Variants in LRFN4 observed in about 807,000 individuals in gnomAD.
The protein encoded by LRFN4 is leucine rich repeat and fibronectin type III domain containing 4, also known as leucine-rich repeat and fibronectin type-III domain-containing protein 4.
In LRFN4, 10 loss-of-function variants were observed where a neutral mutation model predicts 29.0. The observed-to-expected ratio is 0.35, with a 90% CI of 0.21 to 0.59. LRFN4 has a LOEUF of 0.59. Among genes scored for constraint, LRFN4 ranks in the 20% least tolerant of loss-of-function variants. The pLI is 0.82. For missense variants in LRFN4, 850 were observed against 907.9 expected, an observed-to-expected ratio of 0.94 and a Z score of 0.82; for synonymous variants, 493 against 437.0, an observed-to-expected ratio of 1.13 and a Z score of -1.60.
At position 66,860,173 on chromosome 11, in the gene LRFN4, G is replaced by C; in HGVS notation, c.1886G>C (p.Arg629Pro). 1 of 1,546,380 alleles carries C rather than the reference G, an allele frequency of 6.5e-7. No homozygotes were observed. The highest frequency in any genetic ancestry group is 1.2e-5 in the South Asian group (1 of 84,150). The change falls in exon 2 of 2, where the codon CGG becomes CCG. Residue 629 changes from arginine to proline, a missense_variant. This residue lies in a region of LRFN4 where 744 missense variants were observed against 753.8 expected (regional missense o/e 0.99). Coordinates refer to ENST00000309602, the MANE Select transcript of LRFN4 (RefSeq NM_024036.5). Reference sequence around the variant, plus strand: ...CGGGGGGTAGGAGGCAGCGCCGAGCGGCTGGAAGAGAGTGTGGTGTGATGG... The same window carrying C: ...CGGGGGGTAGGAGGCAGCGCCGAGCCGCTGGAAGAGAGTGTGGTGTGATGG... The part of the protein sequence containing the change: ...GCRGVGGSAE[R>P]LEESVV
chr11:66,858,561 G>A lies in LRFN4; in HGVS notation c.817G>A (p.Glu273Lys), dbSNP rs1162648844. 2 of 1,533,288 alleles carry A rather than the reference G, an allele frequency of 1.3e-6. No individual in the cohort carries two copies. Among genetic ancestry groups the A allele is most frequent in the South Asian group, 1.2e-5 (1 of 83,874 alleles). 95.0% of individuals were successfully genotyped at this position (1,533,288 alleles called of 1,614,324 possible). A position where few individuals can be genotyped will look rare whatever the true frequency, so the allele number is the denominator to read the frequency against. Residue 273 changes from glutamate (E) to lysine (K), a missense_variant, in exon 1 of 2, where the codon GAG becomes AAG. Around this residue, in one of 2 missense-constraint regions of LRFN4, gnomAD observed 744 missense variants for 753.8 expected, o/e 0.99. Transcript: ENST00000309602. The surrounding 1 kb of genome is among the most constrained non-coding windows in gnomAD (Gnocchi z 5.9). ...CGGCCGCTACTTCTGGGCAGTGCCC[G>A]AGGGCGAGTTCTCCTGTGAGCCGCC... ...LAGRYFWAVP[E>K]GEFSCEPPLI...
chr11:66,859,550 T>G, intron 1 of LRFN4, 87 bp from the exon 2 acceptor site: 2 of 1,567,012 alleles, frequency 1.3e-6, no homozygotes, highest in African/African-American at 1.4e-5. Context: ...GGGGGAGGGG[T>G]GTTTGGAGCT....
At position 66,858,806 on chromosome 11, in the gene LRFN4, C is replaced by G. The variant is rs1266941303; in HGVS notation, c.1062C>G (p.Thr354=). The G allele has an allele frequency of 6.5e-7, 1 of 1,549,852 alleles. No homozygotes were observed. Among genetic ancestry groups the G allele is most frequent in the African/African-American group, 1.4e-5 (1 of 73,232 alleles). Residue 354 remains threonine (T), a synonymous_variant, in exon 1 of 2, where the codon ACC becomes ACG. Coordinates refer to ENST00000309602, the MANE Select transcript of LRFN4 (RefSeq NM_024036.5). The surrounding 1 kb of genome is among the most constrained non-coding windows in gnomAD (Gnocchi z 5.9). ...CTGGGGGCTACACCTGCATCGCCAC[C>G]AACCCTGCTGGTGAGGCCACAGCCC... The part of the protein sequence containing the change: ...GDAGGYTCIA[T]NPAGEATARV...
At position 66,857,253 on chromosome 11, in the gene LRFN4, C is replaced by T. The variant is rs1201340671; in HGVS notation, c.-492C>T. 1 of 147,904 alleles carries T rather than the reference C, an allele frequency of 6.8e-6. No homozygotes were observed. 9.2% of individuals were successfully genotyped at this position (147,904 alleles called of 1,614,324 possible). On this transcript the variant is annotated 5_prime_UTR_variant, in exon 1 of 2. Transcript: ENST00000309602. This position sits in a 1 kb window ranked among gnomAD's most constrained non-coding sequence, Gnocchi z 7.1. ...CAGGAGTCGGCGGGGGCCGGCCGGG[C>T]TCGCAGGGAGGCCGGCCCGCGCCCC...
chr11:66,859,032 G>A lies in LRFN4; in HGVS notation c.1288G>A (p.Asp430Asn), dbSNP rs188956583. 5.0e-5 allele frequency: 76 copies of A among 1,508,340 alleles called. No homozygotes were observed. The highest frequency in any genetic ancestry group is 2.2e-4 in the African/African-American group (16 of 71,180). The allele number at this position is 1,508,340 out of a possible 1,614,324, so 93.4% of individuals were successfully genotyped here. A position where few individuals can be genotyped will look rare whatever the true frequency, so the allele number is the denominator to read the frequency against. Residue 430 changes from aspartate to asparagine, a missense_variant, in exon 1 of 2, where the codon GAC becomes AAC. Physicochemically the swap from Asp to Asn is conservative, Grantham distance 23. Around this residue, in one of 2 missense-constraint regions of LRFN4, gnomAD observed 744 missense variants for 753.8 expected, o/e 0.99. Transcript: ENST00000309602. The part of the protein sequence containing the change: ...LVSWGPGRPA[D>N]PVWMFQIQYN... ...GAGCTGGGGTCCCGGGCGGCCAGCC[G>A]ACCCAGTGTGGATGTTCCAAATCCA...
Position 66,860,012 on chromosome 11 carries a change from C to T in LRFN4, c.1725C>T (p.Ser575=), listed in dbSNP as rs3802743. The T allele has an allele frequency of 0.023, 36,224 of 1,589,950 alleles. 548 individuals carry two copies. The highest frequency in any genetic ancestry group is 0.056 in the African/African-American group (4,180 of 74,398). The stretch of plus-strand genomic sequence containing the variant: ...CACCCAAGGCCCACCCGCCGCGGAG[C>T]CCCCCGCCCCGGCCGCAGCGCAGCT... ...SPTPKAHPPR[S]PPPRPQRSCS... Residue 575 remains serine, a synonymous_variant, in exon 2 of 2, where the codon AGC becomes AGT. Coordinates refer to ENST00000309602, the MANE Select transcript of LRFN4 (RefSeq NM_024036.5).
At position 66,859,942 on chromosome 11, in the gene LRFN4, A is replaced by C. The variant is rs1356213524; in HGVS notation, c.1655A>C (p.Lys552Thr). The change falls in exon 2 of 2, where the codon AAG (lysine) becomes ACG (threonine). Residue 552 changes from lysine (K) to threonine (T), a missense_variant. Physicochemically the swap from Lys to Thr is moderately conservative, Grantham distance 78 (BLOSUM62 -1). Around this residue, in one of 2 missense-constraint regions of LRFN4, gnomAD observed 744 missense variants for 753.8 expected, o/e 0.99. Coordinates refer to ENST00000309602, the MANE Select transcript of LRFN4 (RefSeq NM_024036.5). ...RGAGNGRLPL[K>T]LSHVQSQTNG... ...GCCGGAAATGGCCGCCTCCCCCTCA[A>C]GCTCAGCCACGTCCAGTCCCAGACC... The C allele has an allele frequency of 6.3e-7, 1 of 1,595,184 alleles. No homozygotes were observed. The highest frequency in any genetic ancestry group is 1.3e-5 in the African/African-American group (1 of 74,496).
Position 66,858,897 on chromosome 11 carries a change from G to C in LRFN4, c.1153G>C (p.Gly385Arg). Residue 385 changes from glycine to arginine, a missense_variant, in exon 1 of 2, where the codon GGG (glycine) becomes CGG (arginine). Physicochemically the swap from Gly to Arg is moderately radical, Grantham distance 125. Transcript: ENST00000309602. The surrounding 1 kb of genome is among the most constrained non-coding windows in gnomAD (Gnocchi z 5.9). Reference sequence around the variant, plus strand: ...CAGCAGTGCCGAGGGGGGCCGCCCCGGGCCCTCGGACATCGCCGCCTCCGC... The same window carrying C: ...CAGCAGTGCCGAGGGGGGCCGCCCCCGGCCCTCGGACATCGCCGCCTCCGC... ...GNSSAEGGRP[G>R]PSDIAASART... is the part of the protein sequence containing the mutation. 1 of 1,562,306 alleles carries C rather than the reference G, an allele frequency of 6.4e-7. No homozygotes were observed. Among genetic ancestry groups the C allele is most frequent in the Non-Finnish European group, 8.7e-7 (1 of 1,152,814 alleles).
intron 1 of LRFN4, 109 bp downstream of exon 1, chr11:66,859,202 C>T: frequency 3.0e-6 from 4 of 1,330,620 alleles, no homozygotes; most frequent in Non-Finnish European, 4.0e-6. Flanking sequence ...CTGACACCCC[C>T]TCCCCGACCA....
rs767792134 is a variant in LRFN4 at position 66,858,290 on chromosome 11, C to T, written c.546C>T (p.Asp182=). The T allele has an allele frequency of 2.5e-6, 4 of 1,611,510 alleles. No homozygotes were observed. The highest frequency in any genetic ancestry group is 1.1e-5 in the South Asian group (1 of 91,088). ...TCAACCTGGACCATAACCTTATTGACGCACTGCCCCCAGGCGCCTTCGCCC... is the reference window on the plus strand; with the variant it reads ...TCAACCTGGACCATAACCTTATTGATGCACTGCCCCCAGGCGCCTTCGCCC... ...HTLNLDHNLI[D]ALPPGAFAQL... Residue 182 remains aspartate (D), a synonymous_variant, in exon 1 of 2, where the codon GAC becomes GAT. Transcript: ENST00000309602. The surrounding 1 kb of genome is among the most constrained non-coding windows in gnomAD (Gnocchi z 5.9).
rs1187936493 is a variant in LRFN4, at chr11:66,858,457, G to C, written c.713G>C (p.Cys238Ser). The C allele has an allele frequency of 6.5e-7, 1 of 1,550,032 alleles. No homozygotes were observed. The highest frequency in any genetic ancestry group is 1.4e-5 in the African/African-American group (1 of 73,708). Residue 238 changes from cysteine (C) to serine (S), a missense_variant, in exon 1 of 2, where the codon TGC (cysteine) becomes TCC (serine). This residue lies in a region of LRFN4 where 744 missense variants were observed against 753.8 expected (regional missense o/e 0.99). Transcript: ENST00000309602. This position sits in a 1 kb window ranked among gnomAD's most constrained non-coding sequence, Gnocchi z 5.9. ...VLSFSGNPLH[C>S]NCELLWLRRL... ...AGCTTTAGCGGGAACCCCCTGCACT[G>C]CAACTGTGAGCTGCTGTGGCTGCGG... is the stretch of plus-strand genomic sequence containing the variant.
Position 66,858,913 on chromosome 11 carries a change from C to T in LRFN4, c.1169C>T (p.Ala390Val). Residue 390 changes from alanine to valine, a missense_variant, in exon 1 of 2, where the codon GCC (alanine) becomes GTC (valine). Ala to Val is a moderately conservative substitution (Grantham distance 64, BLOSUM62 0). Around this residue, in one of 2 missense-constraint regions of LRFN4, gnomAD observed 744 missense variants for 753.8 expected, o/e 0.99. Coordinates refer to ENST00000309602, the MANE Select transcript of LRFN4 (RefSeq NM_024036.5). This position sits in a 1 kb window ranked among gnomAD's most constrained non-coding sequence, Gnocchi z 5.9. ...EGGRPGPSDI[A>V]ASARTAAEGE... Reference sequence around the variant, plus strand: ...GGCCGCCCCGGGCCCTCGGACATCGCCGCCTCCGCTCGCACTGCTGCCGAG... The same window carrying T: ...GGCCGCCCCGGGCCCTCGGACATCGTCGCCTCCGCTCGCACTGCTGCCGAG... 6.4e-7 allele frequency: 1 copy of T among 1,567,298 alleles called. No homozygotes were observed. Among genetic ancestry groups the T allele is most frequent in the Non-Finnish European group, 8.7e-7 (1 of 1,154,858 alleles).
At position 66,859,863 on chromosome 11, in the gene LRFN4, C is replaced by T; in HGVS notation, c.1576C>T (p.Leu526=). The T allele has an allele frequency of 1.3e-6, 2 of 1,563,134 alleles. No homozygotes were observed. The highest frequency in any genetic ancestry group is 1.2e-5 in the South Asian group (1 of 82,534). The part of the protein sequence containing the change: ...GTLTVAVGGV[L]VAALLVFTVA... ...CCTGACCGTGGCCGTGGGGGGTGTG[C>T]TGGTGGCTGCCTTACTGGTCTTCAC... The change falls in exon 2 of 2, where the codon CTG becomes TTG. Residue 526 remains leucine (L), a synonymous_variant. Coordinates refer to ENST00000309602, the MANE Select transcript of LRFN4 (RefSeq NM_024036.5).
In LRFN4 at chr11:66,858,204, TACA is replaced by T. The variant is rs2135862528; in HGVS notation, c.466_468del (p.Asn156del). ...GAGCCTGGAGGACCTGGACCTGTCC[TACA>T]ACAACCTCCGGCAGGTGCCCTGGGC... On this transcript the variant is annotated inframe_deletion, in exon 1 of 2. Transcript: ENST00000309602. The surrounding 1 kb of genome is among the most constrained non-coding windows in gnomAD (Gnocchi z 5.9). 1.9e-6 allele frequency: 3 copies of T among 1,612,446 alleles called. No individual in the cohort carries two copies. Among genetic ancestry groups the T allele is most frequent in the East Asian group, 2.2e-5 (1 of 44,866 alleles).
chr11:66,858,634 G>C lies in LRFN4; in HGVS notation c.890G>C (p.Arg297Pro). 6.5e-7 allele frequency: 1 copy of C among 1,538,068 alleles called. No homozygotes were observed. Among genetic ancestry groups the C allele is most frequent in the Non-Finnish European group, 8.7e-7 (1 of 1,143,894 alleles). The change falls in exon 1 of 2, where the codon CGG becomes CCG. Residue 297 changes from arginine to proline, a missense_variant. Physicochemically the swap from Arg to Pro is moderately radical, Grantham distance 103 (BLOSUM62 -2). Transcript: ENST00000309602. This position sits in a 1 kb window ranked among gnomAD's most constrained non-coding sequence, Gnocchi z 5.9. ...TQRLWVLEGQ[R>P]ATLRCRALGD... ...CGCCTCTGGGTGCTGGAAGGCCAGC[G>C]GGCCACGCTGCGGTGCCGGGCCCTG...
In LRFN4 at chr11:66,858,480, C is replaced by A; in HGVS notation, c.736C>A (p.Arg246=). The A allele has an allele frequency of 6.5e-7, 1 of 1,541,956 alleles. No individual in the cohort carries two copies. Among genetic ancestry groups the A allele is most frequent in the East Asian group, 2.4e-5 (1 of 41,286 alleles). Residue 246 remains arginine (R), a synonymous_variant, in exon 1 of 2, where the codon CGG becomes AGG. Coordinates refer to ENST00000309602, the MANE Select transcript of LRFN4 (RefSeq NM_024036.5). The surrounding 1 kb of genome is among the most constrained non-coding windows in gnomAD (Gnocchi z 5.9). The part of the protein sequence containing the change: ...LHCNCELLWL[R]RLARPDDLET... ...CTGCAACTGTGAGCTGCTGTGGCTGCGGCGGCTGGCGCGGCCGGACGACCT... is the reference window on the plus strand; with the variant it reads ...CTGCAACTGTGAGCTGCTGTGGCTGAGGCGGCTGGCGCGGCCGGACGACCT...
chr11:66,860,304 C>T lies in LRFN4; in HGVS notation c.*109C>T. On this transcript the variant is annotated 3_prime_UTR_variant, in exon 2 of 2. Transcript: ENST00000309602. ...TCCCTGGTTTTTATTCTCAGTACCT[C>T]AGGCTCCCCTGTGTACTTGGAGGGG... 3 of 1,439,022 alleles carry T rather than the reference C, an allele frequency of 2.1e-6. No individual in the cohort carries two copies. The South Asian group carries it at 3.7e-5, about 18-fold the overall frequency. The allele number at this position is 1,439,022 out of a possible 1,614,324, so 89.1% of individuals were successfully genotyped here.
Position 66,858,021 on chromosome 11 carries a change from G to C in LRFN4, c.277G>C (p.Gly93Arg), listed in dbSNP as rs199993747. 2 of 1,611,934 alleles carry C rather than the reference G, an allele frequency of 1.2e-6. No homozygotes were observed. The highest frequency in any genetic ancestry group is 1.3e-5 in the African/African-American group (1 of 74,926). ...AITRIGARAFGDLESLRSLHL... is the reference protein window; with the variant it reads ...AITRIGARAFRDLESLRSLHL... Reference sequence around the variant, plus strand: ...CACCCGCATTGGGGCCCGCGCCTTTGGGGACCTCGAGAGCCTGCGTTCCCT... The same window carrying C: ...CACCCGCATTGGGGCCCGCGCCTTTCGGGACCTCGAGAGCCTGCGTTCCCT... Residue 93 changes from glycine (G) to arginine (R), a missense_variant, in exon 1 of 2, where the codon GGG becomes CGG. Around this residue, in one of 2 missense-constraint regions of LRFN4, gnomAD observed 106 missense variants for 154.2 expected, o/e 0.69. Coordinates refer to ENST00000309602, the MANE Select transcript of LRFN4 (RefSeq NM_024036.5). This position sits in a 1 kb window ranked among gnomAD's most constrained non-coding sequence, Gnocchi z 5.9.
chr11:66,858,891 C>T lies in LRFN4; in HGVS notation c.1147C>T (p.Arg383Cys), dbSNP rs1183584910. ...HGGNSSAEGG[R>C]PGPSDIAASA... ...TGGGAACAGCAGTGCCGAGGGGGGC[C>T]GCCCCGGGCCCTCGGACATCGCCGC... is the stretch of plus-strand genomic sequence containing the variant. Residue 383 changes from arginine (R) to cysteine (C), a missense_variant, in exon 1 of 2, where the codon CGC becomes TGC. Coordinates refer to ENST00000309602, the MANE Select transcript of LRFN4 (RefSeq NM_024036.5). This position sits in a 1 kb window ranked among gnomAD's most constrained non-coding sequence, Gnocchi z 5.9. 10 of 1,556,096 alleles carry T rather than the reference C, an allele frequency of 6.4e-6. No homozygotes were observed. The highest frequency in any genetic ancestry group is 3.5e-5 in the South Asian group (3 of 85,444).
Sources: gnomAD v4.1 joint callset for allele counts on GRCh38, gnomAD v4.1.1 for gene constraint, gnomAD v4.1.1 regional missense constraint, Gnocchi (gnomAD v3.1) non-coding constraint, MANE v1.5 for transcripts, NCBI Gene and HGNC (gene_info 2026-07-23, HGNC 2026-07-21) for gene names.